Variants in GPHN observed in about 807,000 individuals in gnomAD.
The protein encoded by GPHN is gephyrin.
In GPHN, 17 loss-of-function variants were observed where a neutral mutation model predicts 95.5. The ratio of observed to expected loss-of-function variants is 0.18; its 90% CI spans 0.12 to 0.27. The LOEUF is 0.27. Ranked by LOEUF, GPHN falls within the 10% of genes least tolerant of loss-of-function variation. The probability of loss-of-function intolerance (pLI) is 1.00; values close to 1 mark genes in which losing one functional copy is unlikely to be tolerated. For synonymous variants in GPHN, 320 were observed against 322.5 expected, an observed-to-expected ratio of 0.99 and a Z score of 0.08; for missense variants, 660 against 978.1, an observed-to-expected ratio of 0.67 and a Z score of 4.34.
At chr14:66,590,583 A>G (rs1432534188) in intron 1 of GPHN, among the ~76,000 whole-genome samples, 6 of 152,110 alleles carry the variant, frequency 3.9e-5, no homozygotes, top group Non-Finnish European at 8.8e-5. Flanking sequence ...GGACGCATAC[A>G]CCCTCCCAAG....
intron 3 of GPHN, among the ~76,000 whole-genome samples, chr14:66,793,267 A>G (rs1207193726): frequency 6.6e-6 from 1 of 152,242 alleles, no homozygotes; most frequent in East Asian, 1.9e-4. Context: ...TAATTAATTT[A>G]AAAAACAATA....
chr14:66,991,211 A>C (rs753080303), intron 9 of GPHN, among the ~76,000 whole-genome samples: 2 of 152,092 alleles, frequency 1.3e-5, no homozygotes, highest in Admixed American at 6.6e-5. Flanking sequence ...AGTATTTTGA[A>C]CTTTAAGTGC....
At chr14:67,674,361 C>CA in the GPHN span, 1 of 1,577,620 alleles carries the variant, frequency 6.3e-7, no homozygotes, top group South Asian at 1.1e-5. Flanking sequence ...CGGCGTGGCC[C>CA]ACCCCCGCCT....
At chr14:66,616,059 T>A (rs1024167292) in intron 1 of GPHN, among the ~76,000 whole-genome samples, 1 of 151,820 alleles carries the variant, frequency 6.6e-6, no homozygotes, top group Admixed American at 6.6e-5. Flanking sequence ...GAGATCTCTG[T>A]TCTGTTCCAT....
the GPHN span, among the ~76,000 whole-genome samples, chr14:67,603,960 C>T: frequency 7.9e-5 from 12 of 152,180 alleles, no homozygotes; most frequent in South Asian, 4.1e-4. Flanking sequence ...GGATTATAGG[C>T]GTGAGCCACC....
intron 17 of GPHN, chr14:67,142,887 CT>C: frequency 4.8e-6 from 1 of 208,548 alleles, no homozygotes; most frequent in Non-Finnish European, 9.7e-6. Flanking sequence ...TTTCCCATTC[CT>C]TTCCTTTCCA....
chr14:66,985,616 A>G, intron 9 of GPHN: 3 of 1,010,112 alleles, frequency 3.0e-6, no homozygotes, highest in Non-Finnish European at 4.5e-6. Flanking sequence ...TTACTAATGT[A>G]TAGAAAAATT....
the GPHN span, among the ~76,000 whole-genome samples, chr14:67,643,196 T>C: frequency 6.6e-6 from 1 of 152,220 alleles, no homozygotes; most frequent in Non-Finnish European, 1.5e-5. Context: ...ATGTACTTTA[T>C]TGAGCACTGT....
the GPHN span, among the ~76,000 whole-genome samples, chr14:67,634,879 G>A: frequency 3.3e-5 from 5 of 152,224 alleles, no homozygotes; most frequent in East Asian, 1.9e-4. Context: ...GGAAGGAGAT[G>A]TTACAAGGGC....
At chr14:66,734,347 T>A (rs915573466) in intron 2 of GPHN, among the ~76,000 whole-genome samples, 2 of 152,164 alleles carry the variant, frequency 1.3e-5, no homozygotes, top group Admixed American at 6.5e-5. Flanking sequence ...CTATGCTGGC[T>A]GCCTTTTCAT....
intron 4 of GPHN, among the ~76,000 whole-genome samples, chr14:66,849,020 A>G (rs192709213): frequency 1.6e-4 from 24 of 152,042 alleles, no homozygotes; most frequent in Admixed American, 1.4e-3. Context: ...TTTGTATATT[A>G]TATCTAATTT....
At chr14:67,432,930 G>C in the GPHN span, among the ~76,000 whole-genome samples, 1 of 152,052 alleles carries the variant, frequency 6.6e-6, no homozygotes, top group Non-Finnish European at 1.5e-5. Context: ...CCTCATCTAG[G>C]TATGACCTCA....
chr14:67,012,058 A>G (rs947673865), intron 9 of GPHN, among the ~76,000 whole-genome samples: 1 of 152,230 alleles, frequency 6.6e-6, no homozygotes, highest in Non-Finnish European at 1.5e-5. Flanking sequence ...GGCATTATTA[A>G]TAACATTGTT....
At chr14:67,161,606 C>T (rs576262625) in intron 19 of GPHN, among the ~76,000 whole-genome samples, 1 of 152,040 alleles carries the variant, frequency 6.6e-6, no homozygotes, top group African/African-American at 2.4e-5. Flanking sequence ...ACAAAAAATA[C>T]AAAAATTAGT....
In GPHN at chr14:67,050,254, C is replaced by T. The variant is rs1458984927; in HGVS notation, c.1007-8395C>T. ...TATAAAAAAGTACAAATTATTTTTC[C>T]GGTGAGGTAATCACTTTATGACAAA... On this transcript the variant is annotated intron_variant, in intron 10 of 22. Transcript: ENST00000478722. 1.1e-4 allele frequency among the ~76,000 whole-genome samples: 17 copies of T among 152,170 alleles called. No individual in the cohort carries two copies. The East Asian group carries it at 1.4e-3, about 12-fold the overall frequency.
the GPHN span, among the ~76,000 whole-genome samples, chr14:67,502,420 C>T: frequency 6.7e-6 from 1 of 148,910 alleles, no homozygotes; most frequent in East Asian, 1.9e-4. Flanking sequence ...AAAAGAACTG[C>T]AAAGTCCTTG....
chr14:67,164,124 C>A (rs555218222), intron 19 of GPHN, among the ~76,000 whole-genome samples: 2 of 151,470 alleles, frequency 1.3e-5, no homozygotes, highest in African/African-American at 4.9e-5. Flanking sequence ...CAAAATTAGC[C>A]GGGCGTGGTG....
the GPHN span, among the ~76,000 whole-genome samples, chr14:67,262,741 T>A: frequency 6.6e-6 from 1 of 152,220 alleles, no homozygotes; most frequent in Non-Finnish European, 1.5e-5. Flanking sequence ...AACAATTTAG[T>A]GTAGCATTCA....
intron 8 of GPHN, among the ~76,000 whole-genome samples, chr14:66,945,889 T>C (rs1372535727): frequency 2.0e-5 from 3 of 152,190 alleles, no homozygotes; most frequent in Non-Finnish European, 4.4e-5. Flanking sequence ...TGTAACTCTT[T>C]ATCTGTGCTT....
Sources: allele counts gnomAD v4.1 joint callset (sites outside exome capture counted in the v4.1 genomes callset), GRCh38; gene constraint gnomAD v4.1.1; transcripts MANE v1.5; gene names NCBI Gene and HGNC (gene_info 2026-07-23, HGNC 2026-07-21).